SEMA5A: variants seen among roughly 807,000 people sequenced by gnomAD.
The protein encoded by SEMA5A is semaphorin-5A.
In SEMA5A, 55 loss-of-function variants were observed where a neutral mutation model predicts 135.5. That is an observed-to-expected ratio of 0.41 (90% CI 0.33 to 0.51). The LOEUF (loss-of-function observed/expected upper bound fraction) is 0.51, where lower values mean the gene tolerates loss of function less well. Ranked by LOEUF, SEMA5A falls within the 20% of genes least tolerant of loss-of-function variation. The pLI, the probability that SEMA5A is intolerant of heterozygous loss-of-function variation, is 0.37. For synonymous variants in SEMA5A, 580 were observed against 546.5 expected, an observed-to-expected ratio of 1.06 and a Z score of -0.85; for missense variants, 1,290 against 1,419.9, an observed-to-expected ratio of 0.91 and a Z score of 1.47.
chr5:9,280,428 A>T (rs1750482742), intron 5 of SEMA5A, among the ~76,000 whole-genome samples: 1 of 152,194 alleles, frequency 6.6e-6, no homozygotes, highest in Non-Finnish European at 1.5e-5. Flanking sequence ...ACATCTGGAC[A>T]CAGGACTTGG....
intron 6 of SEMA5A, among the ~76,000 whole-genome samples, chr5:9,233,929 AC>A (rs1747769563): frequency 6.6e-6 from 1 of 152,124 alleles, no homozygotes; most frequent in African/African-American, 2.4e-5. Context: ...AAAAAAAAAA[AC>A]AACTTCAGTT....
At chr5:9,133,582 C>A (rs1028321490) in intron 13 of SEMA5A, among the ~76,000 whole-genome samples, 1 of 152,082 alleles carries the variant, frequency 6.6e-6, no homozygotes, top group African/African-American at 2.4e-5. Flanking sequence ...CACATCTCAG[C>A]TTTATTTTTG....
At chr5:9,452,394 G>A (rs1463509199) in intron 1 of SEMA5A, among the ~76,000 whole-genome samples, 2 of 152,180 alleles carry the variant, frequency 1.3e-5, no homozygotes, top group Non-Finnish European at 2.9e-5. Flanking sequence ...GTCAACAGAA[G>A]TCAGCAGCTT....
chr5:9,495,704 G>A (rs1349494566), intron 1 of SEMA5A, among the ~76,000 whole-genome samples: 1 of 152,204 alleles, frequency 6.6e-6, no homozygotes, highest in Non-Finnish European at 1.5e-5. Context: ...GCTCCCACTA[G>A]TTCTTGACAG....
At chr5:9,184,769 C>CT (rs1333934021) in intron 11 of SEMA5A, among the ~76,000 whole-genome samples, 1 of 151,886 alleles carries the variant, frequency 6.6e-6, no homozygotes, top group Non-Finnish European at 1.5e-5. Flanking sequence ...ATTTCTCTCC[C>CT]TTTTTTTTCC....
chr5:9,343,143 TATTG>T (rs1561166680), intron 3 of SEMA5A, among the ~76,000 whole-genome samples: 1 of 152,156 alleles, frequency 6.6e-6, no homozygotes, highest in African/African-American at 2.4e-5. Flanking sequence ...GTGAATAAAA[TATTG>T]ATTGTTTTTG....
chr5:9,419,438 G>A (rs1464152943), intron 2 of SEMA5A, among the ~76,000 whole-genome samples: 1 of 152,104 alleles, frequency 6.6e-6, no homozygotes, highest in Non-Finnish European at 1.5e-5. Context: ...ATAGAGGAAG[G>A]GCAGTGCAAA....
chr5:9,099,609 C>G (rs1489324516), intron 16 of SEMA5A, among the ~76,000 whole-genome samples: 2 of 152,278 alleles, frequency 1.3e-5, no homozygotes, highest in South Asian at 4.1e-4. Flanking sequence ...CCATCAGATA[C>G]AGCAATTATT....
chr5:9,448,784 ATGT>A (rs1188570474), intron 1 of SEMA5A, among the ~76,000 whole-genome samples: 3 of 152,032 alleles, frequency 2.0e-5, no homozygotes, highest in African/African-American at 7.2e-5. Context: ...TCCCCGTGTG[ATGT>A]TGTTGCCTCT....
At chr5:9,205,259 A>G (rs1225158544) in intron 8 of SEMA5A, among the ~76,000 whole-genome samples, 1 of 152,182 alleles carries the variant, frequency 6.6e-6, no homozygotes, top group Non-Finnish European at 1.5e-5. Context: ...AGAACCAACC[A>G]GAGAGACAAT....
intron 3 of SEMA5A, among the ~76,000 whole-genome samples, chr5:9,365,778 T>C (rs1178182838): frequency 6.6e-6 from 1 of 152,200 alleles, no homozygotes; most frequent in Non-Finnish European, 1.5e-5. Flanking sequence ...TGATTTCTGA[T>C]ACTAAGCAGA....
intron 13 of SEMA5A, among the ~76,000 whole-genome samples, chr5:9,135,098 C>A (rs1207009513): frequency 1.3e-5 from 2 of 151,878 alleles, no homozygotes; most frequent in Non-Finnish European, 2.9e-5. Flanking sequence ...GATTCGGTGC[C>A]AACATTTGGG....
intron 1 of SEMA5A, among the ~76,000 whole-genome samples, chr5:9,471,816 T>C (rs1463502997): frequency 2.0e-5 from 3 of 152,240 alleles, no homozygotes; most frequent in African/African-American, 7.2e-5. Flanking sequence ...AAACTCATTG[T>C]TCAAATTTAA....
At chr5:9,514,900 C>G (rs1736420117) in intron 1 of SEMA5A, among the ~76,000 whole-genome samples, 1 of 152,154 alleles carries the variant, frequency 6.6e-6, no homozygotes, top group Non-Finnish European at 1.5e-5. Flanking sequence ...CAGCTCCATG[C>G]ATCATTAACC....
chr5:9,183,146 T>A (rs1744615046), intron 11 of SEMA5A, among the ~76,000 whole-genome samples: 1 of 152,018 alleles, frequency 6.6e-6, no homozygotes, highest in African/African-American at 2.4e-5. Flanking sequence ...GGGAAAGGAA[T>A]AGGGAGCAGG....
intron 1 of SEMA5A, among the ~76,000 whole-genome samples, chr5:9,530,293 TCA>T (rs1030817589): frequency 2.4e-4 from 37 of 152,338 alleles, no homozygotes; most frequent in African/African-American, 8.9e-4. Context: ...ACAGCTGAGT[TCA>T]GAGATTTCCA....
intron 5 of SEMA5A, among the ~76,000 whole-genome samples, chr5:9,307,814 C>G (rs1406174149): frequency 6.6e-6 from 1 of 152,142 alleles, no homozygotes; most frequent in Non-Finnish European, 1.5e-5. Context: ...ATTTATCTAG[C>G]AGCTTGTGAT....
chr5:9,462,583 C>T (rs1382736126), intron 1 of SEMA5A, among the ~76,000 whole-genome samples: 1 of 152,036 alleles, frequency 6.6e-6, no homozygotes, highest in Non-Finnish European at 1.5e-5. Context: ...CCTAAATGCC[C>T]AGCAATTTTA....
intron 5 of SEMA5A, among the ~76,000 whole-genome samples, chr5:9,258,459 C>T (rs886912960): frequency 4.6e-5 from 7 of 152,168 alleles, no homozygotes; most frequent in Non-Finnish European, 7.4e-5. Flanking sequence ...CTTCTCCACT[C>T]GCAGGCTCAA....
Sources: allele counts gnomAD v4.1 joint callset (sites outside exome capture counted in the v4.1 genomes callset), GRCh38; gene constraint gnomAD v4.1.1; transcripts MANE v1.5; gene names NCBI Gene and HGNC (gene_info 2026-07-23, HGNC 2026-07-21).